The following B9D1 variants were observed in gnomAD, a reference collection of about 807,000 sequenced individuals.
B9D1 encodes the protein B9 domain containing 1, also known as B9 domain-containing protein 1.
B9D1 carries 20 observed loss-of-function variants against 26.1 expected under a neutral mutation model. That is an observed-to-expected ratio of 0.77 (90% CI 0.54 to 1.12). B9D1 has a LOEUF of 1.12. B9D1 is among the 50% of genes most tolerant of loss of function. The probability of loss-of-function intolerance (pLI) is 0.00; values close to 1 mark genes in which losing one functional copy is unlikely to be tolerated. For missense variants in B9D1, 260 were observed against 273.7 expected (o/e 0.95, Z 0.35); for synonymous variants, 105 against 103.1 (o/e 1.02, Z -0.11).
chr17:19,368,771 G>A (rs1368822741), intron 1 of B9D1, among the ~76,000 whole-genome samples: 2 of 152,022 alleles, frequency 1.3e-5, no homozygotes, highest in Non-Finnish European at 2.9e-5. Context: ...TAGAGACCCC[G>A]TCTCTAAGAA....
At chr17:19,350,900 G>T (rs1296779582) in intron 3 of B9D1, among the ~76,000 whole-genome samples, 1 of 150,822 alleles carries the variant, frequency 6.6e-6, no homozygotes, top group African/African-American at 2.4e-5. Context: ...GTGCAGTGGT[G>T]CAATCTTGGC....
intron 3 of B9D1, among the ~76,000 whole-genome samples, chr17:19,356,639 C>T (rs1910396930): frequency 6.6e-6 from 1 of 152,124 alleles, no homozygotes; most frequent in Non-Finnish European, 1.5e-5. Context: ...GTCCTGGACC[C>T]AGAGAGGCTG....
upstream of B9D1, among the ~76,000 whole-genome samples, chr17:19,365,515 C>T (rs1911542297): frequency 2.0e-5 from 3 of 152,230 alleles, no homozygotes; most frequent in South Asian, 6.2e-4. This position sits in a 1 kb window ranked among gnomAD's most constrained non-coding sequence, Gnocchi z 5.0. Context: ...CTGGCCTGGC[C>T]AAGCCATTTG....
intron 3 of B9D1, among the ~76,000 whole-genome samples, chr17:19,352,258 G>C (rs1322243684): frequency 6.6e-6 from 1 of 152,054 alleles, no homozygotes; most frequent in Non-Finnish European, 1.5e-5. Context: ...CTCTTCTGTT[G>C]TAAGTGTGCT....
chr17:19,374,244 G>A (rs1407421211), intron 1 of B9D1, among the ~76,000 whole-genome samples: 1 of 152,190 alleles, frequency 6.6e-6, no homozygotes, highest in Non-Finnish European at 1.5e-5. Flanking sequence ...TCAGGGAGTG[G>A]CAGGGACTGT....
chr17:19,340,438 G>A (rs1907833957), downstream of B9D1, among the ~76,000 whole-genome samples: 1 of 82,502 alleles, frequency 1.2e-5, no homozygotes, highest in Non-Finnish European at 2.3e-5. Flanking sequence ...CTCCCAAAGT[G>A]CTGGGATTAC....
chr17:19,336,260 G>T (rs191484939), downstream of B9D1: 1 of 152,540 alleles, frequency 6.6e-6, no homozygotes, highest in African/African-American at 2.4e-5. Context: ...GGGGAAGGGT[G>T]GGGAGGTGCA....
At chr17:19,340,008 T>A (rs7219804), downstream of B9D1, among the ~76,000 whole-genome samples, 136,526 of 141,224 alleles carry the variant, frequency 0.97, 66,332 homozygotes, top group African/African-American at 0.99. Context: ...TCGACTGTCC[T>A]CATGGAGGGG....
chr17:19,342,136 G>T (rs1203496467), downstream of B9D1, among the ~76,000 whole-genome samples: 1 of 152,164 alleles, frequency 6.6e-6, no homozygotes, highest in East Asian at 1.9e-4. Context: ...CCGCACATGG[G>T]GAGTGGGAGG....
chr17:19,347,422 G>T lies in B9D1; in HGVS notation c.342-91C>A. 1 of 1,479,190 alleles carries T rather than the reference G, an allele frequency of 6.8e-7. No individual in the cohort carries two copies. Among genetic ancestry groups the T allele is most frequent in the Non-Finnish European group, 9.4e-7 (1 of 1,063,812 alleles). 91.6% of individuals were successfully genotyped at this position (1,479,190 alleles called of 1,614,324 possible). The stretch of plus-strand genomic sequence containing the variant: ...GAAACCCTCAGATCAGGCCAGTGCA[G>T]CTGCAGCGTGGGCCAAGTCAGGGCC... On this transcript the variant is annotated intron_variant, in intron 4 of 6. Coordinates refer to ENST00000261499, the MANE Select transcript of B9D1 (RefSeq NM_015681.6). The surrounding 1 kb of genome is among the most constrained non-coding windows in gnomAD (Gnocchi z 4.3).
upstream of B9D1, chr17:19,362,921 T>G (rs1300551539): frequency 5.1e-6 from 2 of 389,982 alleles, no homozygotes; most frequent in Non-Finnish European, 9.8e-6. Flanking sequence ...TCGGCCCGGC[T>G]CCCCGTCCCC....
At chr17:19,363,069 G>A (rs1253452161), upstream of B9D1, 2 of 201,064 alleles carry the variant, frequency 9.9e-6, no homozygotes, top group African/African-American at 4.7e-5. Context: ...GGAGGGAGGC[G>A]CTGCAGAGCA....
chr17:19,366,035 A>G (rs919711082), upstream of B9D1, among the ~76,000 whole-genome samples: 2 of 151,814 alleles, frequency 1.3e-5, no homozygotes, highest in Non-Finnish European at 2.9e-5. Context: ...TAGCCTTCAG[A>G]GCCCACTCTT....
intron 3 of B9D1, among the ~76,000 whole-genome samples, chr17:19,355,611 C>G (rs1027693800): frequency 1.3e-5 from 2 of 150,874 alleles, no homozygotes; most frequent in East Asian, 3.9e-4. Context: ...GGGCAGATCA[C>G]GAGGTCAGGA....
chr17:19,337,877 G>A (rs892516948), downstream of B9D1: 2 of 533,408 alleles, frequency 3.7e-6, no homozygotes, highest in Non-Finnish European at 7.2e-6. Flanking sequence ...GGGTGGGTGG[G>A]GATGGGCAAG....
intron 3 of B9D1, among the ~76,000 whole-genome samples, chr17:19,355,617 CAGG>C (rs1287757050): frequency 6.6e-6 from 1 of 151,046 alleles, no homozygotes; most frequent in Non-Finnish European, 1.5e-5. Context: ...ATCACGAGGT[CAGG>C]AGATCGAGAC....
In B9D1 at chr17:19,372,167, G is replaced by A. The variant is rs929893415; in HGVS notation, c.-298+5692C>T. ...AGGGACTGGGCGGAGCGGGGACAGCGTTAACAAGGGCGGCTGCTGCAGTGT... is the reference window on the plus strand; with the variant it reads ...AGGGACTGGGCGGAGCGGGGACAGCATTAACAAGGGCGGCTGCTGCAGTGT... On this transcript the variant is annotated intron_variant, in intron 1 of 5. Transcript: ENST00000477478. This position sits in a 1 kb window ranked among gnomAD's most constrained non-coding sequence, Gnocchi z 4.4. 5 of 152,434 alleles carry A rather than the reference G, an allele frequency of 3.3e-5. No homozygotes were observed. The highest frequency in any genetic ancestry group is 7.2e-5 in the African/African-American group (3 of 41,468). The allele number at this position is 152,434 out of a possible 1,614,324, so 9.4% of individuals were successfully genotyped here.
intron 3 of B9D1, among the ~76,000 whole-genome samples, chr17:19,351,819 A>T (rs1909640186): frequency 2.0e-5 from 3 of 152,104 alleles, no homozygotes; most frequent in Non-Finnish European, 4.4e-5. Context: ...TTTATATCTT[A>T]TCTTTTTACT....
At chr17:19,377,191 A>C (rs1488543044) in intron 1 of B9D1, among the ~76,000 whole-genome samples, 1 of 152,228 alleles carries the variant, frequency 6.6e-6, no homozygotes, top group African/African-American at 2.4e-5. Flanking sequence ...ACATTGGCAA[A>C]ATAAACTTTC....
Sources: allele counts gnomAD v4.1 joint callset (sites outside exome capture counted in the v4.1 genomes callset), GRCh38; gene constraint gnomAD v4.1.1; non-coding constraint Gnocchi (gnomAD v3.1); transcripts MANE v1.5; gene names NCBI Gene and HGNC (gene_info 2026-07-23, HGNC 2026-07-21).